AKTIP: variants seen among roughly 807,000 people sequenced by gnomAD.
AKTIP encodes the protein AKT-interacting protein.
A neutral mutation model predicts 39.1 loss-of-function variants in AKTIP; 16 were observed. That is an observed-to-expected ratio of 0.41 (90% CI 0.28 to 0.62). The LOEUF is 0.62. AKTIP is among the 20% of genes least tolerant of loss of function. AKTIP has a pLI of 0.32. For missense variants in AKTIP, 262 were observed against 356.6 expected (o/e 0.73, Z 2.14); for synonymous variants, 93 against 124.3 (o/e 0.75, Z 1.67).
chr16:53,502,731 G>C (rs1962246965), intron 1 of AKTIP: 1 of 152,292 alleles, frequency 6.6e-6, no homozygotes, highest in Non-Finnish European at 1.5e-5. Flanking sequence ...CGGGGGCCCT[G>C]TCCTGGCCTC....
At chr16:53,498,239 A>T in intron 3 of AKTIP, 152 bp downstream of exon 3, 1 of 775,548 alleles carries the variant, frequency 1.3e-6, no homozygotes, top group Non-Finnish European at 2.1e-6. Flanking sequence ...AATAGCCTAT[A>T]GTTTTATATT....
In AKTIP at chr16:53,492,282, A is replaced by G. The variant is rs747519488; in HGVS notation, c.*130T>C. ...AACCCTGCTGTTAGAACCTATGCATACATGGAAAACACTGGCAGTCAGTCA... is the reference window on the plus strand; with the variant it reads ...AACCCTGCTGTTAGAACCTATGCATGCATGGAAAACACTGGCAGTCAGTCA... On this transcript the variant is annotated 3_prime_UTR_variant, in exon 10 of 10. Transcript: ENST00000394657. The G allele has an allele frequency of 1.3e-5, 10 of 757,508 alleles. No individual in the cohort carries two copies. Among genetic ancestry groups the G allele is most frequent in the Non-Finnish European group, 2.0e-5 (9 of 458,058 alleles). The allele number at this position is 757,508 out of a possible 1,614,324, so 46.9% of individuals were successfully genotyped here.
chr16:53,495,063 T>TC lies in AKTIP; in HGVS notation c.414+9dup. The TC allele has an allele frequency of 6.2e-7, 1 of 1,610,506 alleles. No homozygotes were observed. The highest frequency in any genetic ancestry group is 8.5e-7 in the Non-Finnish European group (1 of 1,176,656). ...TCCACAAATAAAGCCAGACTGTGTC[T>TC]CCAACTTACTGGACAGTCACCATCT... On this transcript the variant is annotated intron_variant, in intron 5 of 9. Coordinates refer to ENST00000394657, the MANE Select transcript of AKTIP (RefSeq NM_022476.4).
chr16:53,496,518 T>TG (rs1961846173), intron 3 of AKTIP, among the ~76,000 whole-genome samples: 1 of 147,036 alleles, frequency 6.8e-6, no homozygotes, highest in South Asian at 2.1e-4. Context: ...TTTTTTTTTT[T>TG]GGTTTAAAAA....
chr16:53,492,748 G>A lies in AKTIP; in HGVS notation c.716C>T (p.Ser239Phe). ...KIEDPYAISF[S>F]PWNPSVHDEA... ...ATCATGTACAGAAGGATTCCATGGA[G>A]AAAAGCTTAAGGAAGAGAAAAGTAT... The change falls in exon 9 of 10, where the codon TCT (serine) becomes TTT (phenylalanine). Residue 239 changes from serine (S) to phenylalanine (F), a missense_variant. Transcript: ENST00000394657. 5 of 1,613,738 alleles carry A rather than the reference G, an allele frequency of 3.1e-6. No individual in the cohort carries two copies. Among genetic ancestry groups the A allele is most frequent in the Non-Finnish European group, 4.2e-6 (5 of 1,179,774 alleles).
chr16:53,495,102 G>A lies in AKTIP; in HGVS notation c.385C>T (p.Pro129Ser). ...DGVFKFTVYIPDNYPDGDCPR... is the reference protein window; with the variant it reads ...DGVFKFTVYISDNYPDGDCPR... ...CAGTCACCATCTGGATAGTTATCAGGGATGTAAACTGTAAACTTAAATACG... is the reference window on the plus strand; with the variant it reads ...CAGTCACCATCTGGATAGTTATCAGAGATGTAAACTGTAAACTTAAATACG... The change falls in exon 5 of 10, where the codon CCT becomes TCT. Residue 129 changes from proline (P) to serine (S), a missense_variant. This residue lies in a region of AKTIP where 25 missense variants were observed against 38.4 expected (regional missense o/e 0.65). Transcript: ENST00000394657. 6.2e-7 allele frequency: 1 copy of A among 1,613,990 alleles called. No individual in the cohort carries two copies. The highest frequency in any genetic ancestry group is 8.5e-7 in the Non-Finnish European group (1 of 1,179,894).
chr16:53,492,668 A>G, intron 9 of AKTIP, 25 bp downstream of exon 9: 1 of 1,612,696 alleles, frequency 6.2e-7, no homozygotes. Context: ...TGAGTTAGCC[A>G]TTTCATAAGT....
chr16:53,493,993 T>C (rs753155983), intron 8 of AKTIP, 145 bp downstream of exon 8: 20 of 619,442 alleles, frequency 3.2e-5, no homozygotes, highest in Admixed American at 1.8e-4. Context: ...GCATCAGAAA[T>C]CGAGTTGGCA....
At chr16:53,498,673 C>T in intron 2 of AKTIP, 77 bp from the exon 3 acceptor site, 2 of 1,418,954 alleles carry the variant, frequency 1.4e-6, no homozygotes, top group Non-Finnish European at 2.0e-6. Flanking sequence ...GCTCCATGGC[C>T]TAAATGCTGG....
chr16:53,496,750 A>G (rs1390568937), intron 3 of AKTIP, among the ~76,000 whole-genome samples: 3 of 152,080 alleles, frequency 2.0e-5, no homozygotes, highest in Non-Finnish European at 4.4e-5. Context: ...AGGAGAATCC[A>G]GAGGCAGAGG....
rs778493299 is a variant in AKTIP, at chr16:53,494,574, G to A, written c.446C>T (p.Pro149Leu). ...CTCACCTGAGGTGGGATCAACTAGC[G>A]GGTGAAAGACAGGAATATCGAACAC... ...RLVFDIPVFH[P>L]LVDPTSGELD... is the part of the protein sequence containing the mutation. Residue 149 changes from proline (P) to leucine (L), a missense_variant, in exon 6 of 10, where the codon CCG becomes CTG. Pro to Leu is a moderately conservative substitution (Grantham distance 98, BLOSUM62 -3). Transcript: ENST00000394657. 10 of 1,614,136 alleles carry A rather than the reference G, an allele frequency of 6.2e-6. No homozygotes were observed. Among genetic ancestry groups the A allele is most frequent in the African/African-American group, 2.7e-5 (2 of 75,038 alleles).
In AKTIP at chr16:53,491,228, G is replaced by A. The variant is rs1961427053; in HGVS notation, c.*1184C>T. 1 of 152,122 alleles carries A rather than the reference G, an allele frequency of 6.6e-6. No individual in the cohort carries two copies. The highest frequency in any genetic ancestry group is 1.5e-5 in the Non-Finnish European group (1 of 68,010). The allele number at this position is 152,122 out of a possible 1,614,324, so 9.4% of individuals were successfully genotyped here. A position where few individuals can be genotyped will look rare whatever the true frequency, so the allele number is the denominator to read the frequency against. ...AAACTTATGACCTCTTCCTTTAGGA[G>A]GGAGTTATCTAAAAGAAATGTCTAT... On this transcript the variant is annotated 3_prime_UTR_variant, in exon 10 of 10. Transcript: ENST00000394657.
At chr16:53,496,500 T>C (rs961588913) in intron 3 of AKTIP, among the ~76,000 whole-genome samples, 6 of 105,940 alleles carry the variant, frequency 5.7e-5, no homozygotes, top group African/African-American at 2.2e-4. Flanking sequence ...TCAAGGATGC[T>C]TTTTTTTTTT....
At position 53,498,494 on chromosome 16, in the gene AKTIP, G is replaced by C; in HGVS notation, c.145C>G (p.Pro49Ala). ...GCAGGAGATGTAGGCTTAGTTATGGGCAAAGCATTTTTGGGAATAGAAGGC... is the reference window on the plus strand; with the variant it reads ...GCAGGAGATGTAGGCTTAGTTATGGCCAAAGCATTTTTGGGAATAGAAGGC... ...QLPSIPKNAL[P>A]ITKPTSPAPA... Residue 49 changes from proline to alanine, a missense_variant, in exon 3 of 10, where the codon CCC (proline) becomes GCC (alanine). Around this residue, in one of 4 missense-constraint regions of AKTIP, gnomAD observed 88 missense variants for 132.1 expected, o/e 0.67. Coordinates refer to ENST00000394657, the MANE Select transcript of AKTIP (RefSeq NM_022476.4). 6.2e-7 allele frequency: 1 copy of C among 1,613,888 alleles called. No homozygotes were observed. Among genetic ancestry groups the C allele is most frequent in the Non-Finnish European group, 8.5e-7 (1 of 1,179,758 alleles).
chr16:53,501,596 A>T (rs777930128), intron 1 of AKTIP: 1 of 152,230 alleles, frequency 6.6e-6, no homozygotes, highest in Non-Finnish European at 1.5e-5. Context: ...GTCAAAACTA[A>T]GCAACGTTTT....
upstream of AKTIP, chr16:53,503,385 C>G (rs1466496918): frequency 1.3e-5 from 2 of 152,418 alleles, no homozygotes; most frequent in Admixed American, 1.3e-4. Context: ...CAAAGACGTT[C>G]TTCCGGGGGC....
rs113197772 is a variant in AKTIP, at chr16:53,503,192, G to C, written c.-116C>G. On this transcript the variant is annotated 5_prime_UTR_variant, in exon 1 of 10. Coordinates refer to ENST00000394657, the MANE Select transcript of AKTIP (RefSeq NM_022476.4). Reference sequence around the variant, plus strand: ...GCTCCTGGCTGCCAAGCGCCGCCGCGGCCCGACAGCATCTCCCGCCGCAGC... The same window carrying C: ...GCTCCTGGCTGCCAAGCGCCGCCGCCGCCCGACAGCATCTCCCGCCGCAGC... The C allele has an allele frequency of 1.3e-5, 2 of 154,492 alleles. No individual in the cohort carries two copies. The highest frequency in any genetic ancestry group is 4.8e-5 in the African/African-American group (2 of 41,490). The allele number at this position is 154,492 out of a possible 1,614,324, so 9.6% of individuals were successfully genotyped here. A position where few individuals can be genotyped will look rare whatever the true frequency, so the allele number is the denominator to read the frequency against.
chr16:53,494,202 T>G lies in AKTIP; in HGVS notation c.646A>C (p.Ser216Arg). The G allele has an allele frequency of 6.2e-7, 1 of 1,614,214 alleles. No homozygotes were observed. Among genetic ancestry groups the G allele is most frequent in the Non-Finnish European group, 8.5e-7 (1 of 1,180,034 alleles). ...IQLFKSKVVDSVKVCTARLFD... is the reference protein window; with the variant it reads ...IQLFKSKVVDRVKVCTARLFD... ...AAACGAGCAGTGCACACCTTAACAC[T>G]GTCAACAACTTTACTTTTAAAAAGC... Residue 216 changes from serine to arginine, a missense_variant, in exon 8 of 10, where the codon AGT becomes CGT. Around this residue, in one of 4 missense-constraint regions of AKTIP, gnomAD observed 145 missense variants for 159.3 expected, o/e 0.91. Transcript: ENST00000394657.
chr16:53,498,292 A>G, intron 3 of AKTIP, 99 bp downstream of exon 3: 1 of 1,253,020 alleles, frequency 8.0e-7, no homozygotes, highest in African/African-American at 1.5e-5. Context: ...GAGCTTTGAG[A>G]TTAAATGTCT....
Sources: gnomAD v4.1 joint callset for allele counts (sites outside exome capture counted in the v4.1 genomes callset) on GRCh38, gnomAD v4.1.1 for gene constraint, gnomAD v4.1.1 regional missense constraint, MANE v1.5 for transcripts, NCBI Gene and HGNC (gene_info 2026-07-23, HGNC 2026-07-21) for gene names.